LRP1: variants seen among roughly 807,000 people sequenced by gnomAD.
LRP1 encodes LDL receptor related protein 1, also known as prolow-density lipoprotein receptor-related protein 1.
In LRP1, 51 loss-of-function variants were observed where a neutral mutation model predicts 541.5. The observed-to-expected ratio is 0.09, with a 90% CI of 0.08 to 0.12. The LOEUF is 0.12. Among genes scored for constraint, LRP1 ranks in the 10% least tolerant of loss-of-function variants. The probability of loss-of-function intolerance (pLI) is 1.00; values close to 1 mark genes in which losing one functional copy is unlikely to be tolerated. For synonymous variants in LRP1, 2,219 were observed against 2,470.8 expected (o/e 0.90, Z 3.02); for missense variants, 3,878 against 6,376.2 (o/e 0.61, Z 13.34).
In LRP1 at chr12:57,201,436, T is replaced by G. The variant is rs1349390317; in HGVS notation, c.10346-61T>G. ...AGGGCTTGGAAGAGAGAGAAGACAG[T>G]GATGGTGAACTGGAGTGGCAGGTGT... On this transcript the variant is annotated intron_variant, in intron 65 of 88. Transcript: ENST00000243077. The surrounding 1 kb of genome is among the most constrained non-coding windows in gnomAD (Gnocchi z 6.4). The G allele has an allele frequency of 1.9e-5, 30 of 1,557,714 alleles. No homozygotes were observed. The highest frequency in any genetic ancestry group is 2.5e-5 in the Non-Finnish European group (29 of 1,147,388).
intron 68 of LRP1, 139 bp from the exon 69 acceptor site, chr12:57,203,042 G>T: frequency 3.1e-6 from 2 of 652,284 alleles, no homozygotes. Context: ...GCTCTGCCAG[G>T]ACTGGCTCGG....
intron 11 of LRP1, among the ~76,000 whole-genome samples, chr12:57,159,533 C>T (rs1395410230): frequency 6.6e-6 from 1 of 152,236 alleles, no homozygotes. Flanking sequence ...TCCATGCAGG[C>T]ACGGGCCAGA....
Position 57,165,455 on chromosome 12 carries a change from C to T in LRP1, c.2531-350C>T, listed in dbSNP as rs34981807. The stretch of plus-strand genomic sequence containing the variant: ...GGACCGGGGCAGGGCCCTGGGGTTC[C>T]CGGAGATGACTTCCAAGGGGAAGTT... On this transcript the variant is annotated intron_variant, in intron 15 of 88. Transcript: ENST00000243077. The surrounding 1 kb of genome is among the most constrained non-coding windows in gnomAD (Gnocchi z 4.5). 702 of 208,406 alleles carry T rather than the reference C, an allele frequency of 3.4e-3. 7 individuals are homozygous for T. Among genetic ancestry groups the T allele is most frequent in the African/African-American group, 0.015 (658 of 43,296 alleles). 12.9% of individuals were successfully genotyped at this position (208,406 alleles called of 1,614,324 possible).
At chr12:57,159,736 CA>C in intron 11 of LRP1, 88 bp from the exon 12 acceptor site, 1 of 1,378,774 alleles carries the variant, frequency 7.3e-7, no homozygotes, top group Non-Finnish European at 1.0e-6. Context: ...CCAGACTGCT[CA>C]AAGGTACCTG....
intron 1 of LRP1, among the ~76,000 whole-genome samples, chr12:57,130,094 C>T (rs565084172): frequency 4.1e-4 from 62 of 152,162 alleles, no homozygotes; most frequent in African/African-American, 1.4e-3. Flanking sequence ...TGGTTCAAGT[C>T]TTGCCCAAGC....
intron 22 of LRP1, 71 bp from the exon 23 acceptor site, chr12:57,175,389 C>T: frequency 6.3e-7 from 1 of 1,590,088 alleles, no homozygotes; most frequent in Non-Finnish European, 8.5e-7. Context: ...ACTTGGGGCC[C>T]AGCAGGGCCG....
chr12:57,153,183 C>T (rs1329652984), intron 6 of LRP1, among the ~76,000 whole-genome samples: 1 of 152,094 alleles, frequency 6.6e-6, no homozygotes, highest in African/African-American at 2.4e-5. Context: ...GCAAGAGGCA[C>T]CATCTCTGAT....
At position 57,179,120 on chromosome 12, in the gene LRP1, G is replaced by A. The variant is rs550452742; in HGVS notation, c.4738+99G>A. On this transcript the variant is annotated intron_variant, in intron 28 of 88. Coordinates refer to ENST00000243077, the MANE Select transcript of LRP1 (RefSeq NM_002332.3). The surrounding 1 kb of genome is among the most constrained non-coding windows in gnomAD (Gnocchi z 6.8). ...TGTCAGCTAAGGCAGAGTCCCAGTC[G>A]GGAGGGTCCCGATAGGAGAGGCTCC... 6.2e-5 allele frequency: 93 copies of A among 1,499,090 alleles called. No homozygotes were observed. The highest frequency in any genetic ancestry group is 5.4e-4 in the Admixed American group (26 of 47,978). 92.9% of individuals were successfully genotyped at this position (1,499,090 alleles called of 1,614,324 possible). A position where few individuals can be genotyped will look rare whatever the true frequency, so the allele number is the denominator to read the frequency against.
In LRP1 at chr12:57,167,048, T is replaced by TA; in HGVS notation, c.2914+4dup. 1 of 1,611,450 alleles carries TA rather than the reference T, an allele frequency of 6.2e-7. No homozygotes were observed. The highest frequency in any genetic ancestry group is 1.1e-5 in the South Asian group (1 of 90,978). ...GCTCTGATGAGTCTGCTTCGTGTGG[T>TA]AAGAGGGATGGGCAGAGGGAGTCAG... On this transcript the variant is annotated splice_region_variant and intron_variant, in intron 18 of 88. Coordinates refer to ENST00000243077, the MANE Select transcript of LRP1 (RefSeq NM_002332.3).
rs779994729 is a variant in LRP1, at chr12:57,212,077, C to T, written c.13350-40C>T. ...TATTTTGCCATCCTAGCCTTCCCCC[C>T]CAATAATCTCTGTCTCCTTATACTC... On this transcript the variant is annotated intron_variant, in intron 87 of 88. Transcript: ENST00000243077. This position sits in a 1 kb window ranked among gnomAD's most constrained non-coding sequence, Gnocchi z 5.0. 4 of 1,613,048 alleles carry T rather than the reference C, an allele frequency of 2.5e-6. No individual in the cohort carries two copies. Among genetic ancestry groups the T allele is most frequent in the Non-Finnish European group, 3.4e-6 (4 of 1,179,368 alleles).
chr12:57,173,845 G>C lies in LRP1; in HGVS notation c.3412G>C (p.Glu1138Gln). The change falls in exon 22 of 89, where the codon GAG becomes CAG. Residue 1138 changes from glutamate to glutamine, a missense_variant. Around this residue, in one of 13 missense-constraint regions of LRP1, gnomAD observed 320 missense variants for 547.9 expected, o/e 0.58. Coordinates refer to ENST00000243077, the MANE Select transcript of LRP1 (RefSeq NM_002332.3). The surrounding 1 kb of genome is among the most constrained non-coding windows in gnomAD (Gnocchi z 4.7). ...DNDCEDNSDE[E>Q]NCESLACRPP... is the part of the protein sequence containing the mutation. ...TGACTGTGAGGATAACTCGGACGAG[G>C]AGAACTGCGAGTCCCTGGCCTGCAG... The C allele has an allele frequency of 1.2e-6, 2 of 1,614,222 alleles. No homozygotes were observed. The highest frequency in any genetic ancestry group is 1.7e-6 in the Non-Finnish European group (2 of 1,180,038).
chr12:57,193,367 G>A (rs938253983), intron 46 of LRP1, 63 bp downstream of exon 46: 2 of 1,591,720 alleles, frequency 1.3e-6, no homozygotes, highest in South Asian at 1.1e-5. Flanking sequence ...CCTCCCCCAG[G>A]CCCCTGCAGG....
At chr12:57,144,927 C>T (rs1200142994) in intron 4 of LRP1, 45 bp from the exon 5 acceptor site, 3 of 1,600,202 alleles carry the variant, frequency 1.9e-6, no homozygotes, top group East Asian at 4.5e-5. Context: ...CTTCGTTGCC[C>T]TTGTCACACT....
intron 15 of LRP1, 137 bp downstream of exon 15, chr12:57,163,120 C>A (rs2035771576): frequency 2.4e-6 from 3 of 1,260,184 alleles, no homozygotes; most frequent in African/African-American, 1.5e-5. Context: ...CAACAGGAAG[C>A]AAGGGAGGGG....
At chr12:57,164,776 G>A (rs564857563) in intron 15 of LRP1, 3 of 152,248 alleles carry the variant, frequency 2.0e-5, no homozygotes, top group Non-Finnish European at 4.4e-5. Context: ...ATAGAATCCC[G>A]GAAGTGAAAA....
chr12:57,182,974 T>C (rs1336336049), intron 34 of LRP1, among the ~76,000 whole-genome samples: 1 of 152,216 alleles, frequency 6.6e-6, no homozygotes, highest in African/African-American at 2.4e-5. Flanking sequence ...AAGAGGAAAC[T>C]AGGATCAGGC....
rs1408469090 is a variant in LRP1, at chr12:57,173,624, C to A, written c.3347-156C>A. Among the ~76,000 whole-genome samples the A allele has an allele frequency of 2.0e-5, 3 of 152,158 alleles. No homozygotes were observed. The highest frequency in any genetic ancestry group is 4.4e-5 in the Non-Finnish European group (3 of 68,018). On this transcript the variant is annotated intron_variant, in intron 21 of 88. Coordinates refer to ENST00000243077, the MANE Select transcript of LRP1 (RefSeq NM_002332.3). The surrounding 1 kb of genome is among the most constrained non-coding windows in gnomAD (Gnocchi z 4.7). Reference sequence around the variant, plus strand: ...CTGCAGATTCCTGCCTTGTTTGTTGCCTATGTGAATTTGACCCAAAAAGCC... The same window carrying A: ...CTGCAGATTCCTGCCTTGTTTGTTGACTATGTGAATTTGACCCAAAAAGCC...
In LRP1 at chr12:57,169,316, C is replaced by T; in HGVS notation, c.3163+9C>T. 6.3e-7 allele frequency: 1 copy of T among 1,596,856 alleles called. No homozygotes were observed. The highest frequency in any genetic ancestry group is 8.6e-7 in the Non-Finnish European group (1 of 1,166,986). On this transcript the variant is annotated intron_variant, in intron 20 of 88. Transcript: ENST00000243077. ...CAACTGCACCAACCAGGGTGGGCAC[C>T]AGGGGCCCGTGGGGTGGGGATGAGA...
intron 19 of LRP1, among the ~76,000 whole-genome samples, 158 bp downstream of exon 19, chr12:57,167,682 A>C (rs935650665): frequency 6.6e-6 from 1 of 152,180 alleles, no homozygotes. Context: ...AGAAGTCAGA[A>C]ATGCCTGGAG....
Sources: gnomAD v4.1 joint callset for allele counts (sites outside exome capture counted in the v4.1 genomes callset) on GRCh38, gnomAD v4.1.1 for gene constraint, gnomAD v4.1.1 regional missense constraint, Gnocchi (gnomAD v3.1) non-coding constraint, MANE v1.5 for transcripts, NCBI Gene and HGNC (gene_info 2026-07-23, HGNC 2026-07-21) for gene names.